SORBS2: variants seen among roughly 807,000 people sequenced by gnomAD.
SORBS2 encodes the protein sorbin and SH3 domain-containing protein 2.
In SORBS2, 46 loss-of-function variants were observed where a neutral mutation model predicts 97.7. The ratio of observed to expected loss-of-function variants is 0.47; its 90% confidence interval spans 0.37 to 0.60. The LOEUF (loss-of-function observed/expected upper bound fraction) is 0.60, where lower values mean the gene tolerates loss of function less well. Ranked by LOEUF, SORBS2 falls within the 20% of genes least tolerant of loss-of-function variation. The pLI, the probability that SORBS2 is intolerant of heterozygous loss-of-function variation, is 0.00. For missense variants in SORBS2, 1,316 were observed against 1,282.3 expected (o/e 1.03, Z -0.40); for synonymous variants, 476 against 473.4 (o/e 1.01, Z -0.07).
At chr4:185,589,557 C>A in intron 14 of SORBS2, 122 bp downstream of exon 26, 1 of 688,680 alleles carries the variant, frequency 1.5e-6, no homozygotes, top group Non-Finnish European at 2.6e-6. Flanking sequence ...ATATGAATGT[C>A]TGAAAGATCA....
chr4:185,933,451 A>G (rs776159274), intron 1 of SORBS2: 5 of 152,178 alleles, frequency 3.3e-5, no homozygotes, highest in African/African-American at 9.7e-5. Context: ...GAAATGCATT[A>G]TCTCACAGTT....
chr4:185,607,221 CA>C lies in SORBS2; in HGVS notation c.2796+4558del. ...CCAGGAAACGAGGTGGTGTTGGGGC[CA>C]AAGGGTTTGCTGGTAGACATGAGGC... is the stretch of plus-strand genomic sequence containing the variant. On this transcript the variant is annotated intron_variant, in intron 12 of 14. Coordinates refer to ENST00000418609, the Ensembl canonical transcript of SORBS2. This position sits in a 1 kb window ranked among gnomAD's most constrained non-coding sequence, Gnocchi z 5.2. 8.4e-7 allele frequency: 1 copy of C among 1,184,264 alleles called. No homozygotes were observed. Among genetic ancestry groups the C allele is most frequent in the Non-Finnish European group, 1.1e-6 (1 of 940,668 alleles). The allele number at this position is 1,184,264 out of a possible 1,614,324, so 73.4% of individuals were successfully genotyped here.
rs576320036 is a variant in SORBS2, at chr4:185,684,697, G to T, written c.-197-5875C>A. On this transcript the variant is annotated intron_variant, in intron 2 of 20. Transcript: ENST00000284776. The surrounding 1 kb of genome is among the most constrained non-coding windows in gnomAD (Gnocchi z 4.2). ...GCTTTTTACGTTTAGAACAAAAACA[G>T]TCAGAAGAGCTAGAAGCCATTCAAG... 8 of 1,211,308 alleles carry T rather than the reference G, an allele frequency of 6.6e-6. No individual in the cohort carries two copies. Among genetic ancestry groups the T allele is most frequent in the Non-Finnish European group, 8.3e-6 (7 of 845,316 alleles). 75.0% of individuals were successfully genotyped at this position (1,211,308 alleles called of 1,614,324 possible). A position where few individuals can be genotyped will look rare whatever the true frequency, so the allele number is the denominator to read the frequency against.
chr4:185,661,960 G>A, upstream of SORBS2: 1 of 804,476 alleles, frequency 1.2e-6, no homozygotes. Flanking sequence ...TCCCATGTTG[G>A]GTCCTCTGCC....
chr4:185,726,114 C>T (rs1329722850), intron 2 of SORBS2, among the ~76,000 whole-genome samples: 4 of 152,166 alleles, frequency 2.6e-5, no homozygotes, highest in African/African-American at 7.2e-5. Flanking sequence ...GAGCCCATGA[C>T]TGGTGTGGCG....
intron 1 of SORBS2, among the ~76,000 whole-genome samples, chr4:185,814,535 GTC>G (rs1222235044): frequency 2.7e-5 from 4 of 150,606 alleles, no homozygotes; most frequent in African/African-American, 7.4e-5. Context: ...GGGAGACTCT[GTC>G]TCTGTTTTTA....
chr4:185,587,821 C>T, intron 14 of SORBS2, 133 bp from the exon 27 acceptor site: 2 of 696,340 alleles, frequency 2.9e-6, no homozygotes, highest in South Asian at 1.7e-5. Flanking sequence ...AGGCAGGCAA[C>T]TCACATGAAG....
At chr4:185,736,125 G>A (rs12498854) in intron 2 of SORBS2, among the ~76,000 whole-genome samples, 18,896 of 152,182 alleles carry the variant, frequency 0.12, 1,458 homozygotes, top group East Asian at 0.35. Flanking sequence ...CTGCCGCAGC[G>A]CGAGGGACCC....
intron 2 of SORBS2, chr4:185,761,641 T>A (rs967061075): frequency 2.6e-5 from 4 of 152,138 alleles, no homozygotes; most frequent in African/African-American, 9.7e-5. Context: ...GGAAGGAAAT[T>A]AGGAGTAAGT....
chr4:185,923,099 A>T (rs913442236), intron 1 of SORBS2, among the ~76,000 whole-genome samples: 1 of 152,168 alleles, frequency 6.6e-6, no homozygotes, highest in East Asian at 1.9e-4. Flanking sequence ...ATTAAAGGGG[A>T]TAATCTGTAT....
At position 185,603,867 on chromosome 4, in the gene SORBS2, A is replaced by C. The variant is rs143834978; in HGVS notation, c.2796+7913T>G. 3.9e-5 allele frequency among the ~76,000 whole-genome samples: 6 copies of C among 152,342 alleles called. No individual in the cohort carries two copies. In the East Asian group the frequency reaches 9.6e-4, roughly 24 times the overall value. ...AGATGGATGCTTTGTGAAGTGCTAC[A>C]AAAGGATGATCCTTCCCACATCCTC... is the stretch of plus-strand genomic sequence containing the variant. On this transcript the variant is annotated intron_variant, in intron 12 of 14. Transcript: ENST00000418609.
intron 4 of SORBS2, chr4:185,666,060 G>A: frequency 7.8e-7 from 1 of 1,289,814 alleles, no homozygotes; most frequent in Non-Finnish European, 1.0e-6. Context: ...GTGATGCTGA[G>A]CTGGTGCCAC....
chr4:185,724,346 A>G (rs1314912707), intron 2 of SORBS2, among the ~76,000 whole-genome samples: 1 of 149,828 alleles, frequency 6.7e-6, no homozygotes, highest in Non-Finnish European at 1.5e-5. Flanking sequence ...AAAAAAAAAG[A>G]CAAAAGGATG....
intron 1 of SORBS2, among the ~76,000 whole-genome samples, chr4:185,653,600 G>A (rs1034237437): frequency 1.2e-4 from 19 of 152,116 alleles, no homozygotes; most frequent in African/African-American, 3.9e-4. Flanking sequence ...TATGGAAATC[G>A]AATGAGACAA....
chr4:185,694,297 G>A lies in SORBS2; in HGVS notation c.-197-15475C>T, dbSNP rs79533188. Among the ~76,000 whole-genome samples the A allele has an allele frequency of 5.3e-4, 80 of 152,290 alleles. No homozygotes were observed. The East Asian group carries it at 0.013, about 25-fold the overall frequency. On this transcript the variant is annotated intron_variant, in intron 2 of 20. Coordinates refer to the SORBS2 transcript ENST00000284776. ...CATCAAATTCCTAGAGTCTTTGCAT[G>A]CTGCTAGACAACAGCATCTCAAGTA...
chr4:185,764,169 C>T (rs1244457948), intron 2 of SORBS2, among the ~76,000 whole-genome samples: 1 of 152,192 alleles, frequency 6.6e-6, no homozygotes, highest in Non-Finnish European at 1.5e-5. Flanking sequence ...TATCACTGCT[C>T]TCCATAGTCC....
In SORBS2 at chr4:185,743,962, T is replaced by C. The variant is rs140315581; in HGVS notation, c.-198+31265A>G. ...TCTTTCTCCTCCTCCTTCTTCTCCT[T>C]CTCCTTCTTCTTCCTCCCCTCCTCC... On this transcript the variant is annotated intron_variant, in intron 2 of 20. Transcript: ENST00000284776. 1.8e-3 allele frequency among the ~76,000 whole-genome samples: 257 copies of C among 143,100 alleles called. 5 individuals are homozygous for C. In the East Asian group the frequency reaches 0.024, roughly 14 times the overall value. 93.9% of individuals were successfully genotyped at this position (143,100 alleles called of 152,430 possible).
chr4:185,612,079 G>T, intron 11 of SORBS2, 99 bp from the exon 24 acceptor site: 2 of 954,230 alleles, frequency 2.1e-6, no homozygotes, highest in African/African-American at 1.6e-5. Flanking sequence ...TTCCATTTGG[G>T]CAGGTTTTAT....
intron 1 of SORBS2, among the ~76,000 whole-genome samples, chr4:185,817,954 G>A (rs2153669759): frequency 6.6e-6 from 1 of 152,284 alleles, no homozygotes; most frequent in Middle Eastern, 3.4e-3. Flanking sequence ...ATACAATCAG[G>A]TACACGTTTT....
Sources: allele counts gnomAD v4.1 joint callset (sites outside exome capture counted in the v4.1 genomes callset), GRCh38; gene constraint gnomAD v4.1.1; non-coding constraint Gnocchi (gnomAD v3.1); transcripts MANE v1.5; gene names NCBI Gene and HGNC (gene_info 2026-07-23, HGNC 2026-07-21).